LMF1: variants seen among roughly 807,000 people sequenced by gnomAD.
LMF1 encodes the protein lipase maturation factor 1.
LMF1 carries 68 observed loss-of-function variants against 60.6 expected under a neutral mutation model. The observed-to-expected ratio is 1.12, with a 90% CI of 0.92 to 1.37. LMF1 has a LOEUF of 1.37. Ranked by LOEUF, LMF1 falls within the 40% of genes most tolerant of loss-of-function variation. The pLI is 0.00. For synonymous variants in LMF1, 418 were observed against 324.7 expected, an observed-to-expected ratio of 1.29 and a Z score of -3.09; for missense variants, 948 against 767.2, an observed-to-expected ratio of 1.24 and a Z score of -2.78.
rs532625029 is a variant in LMF1, at chr16:869,776, C to G, written c.1416+107G>C. The G allele has an allele frequency of 2.3e-4, 270 of 1,173,960 alleles. 3 individuals carry two copies. In the South Asian group the frequency reaches 3.7e-3, roughly 16 times the overall value. 72.7% of individuals were successfully genotyped at this position (1,173,960 alleles called of 1,614,324 possible). ...GGCAGGATCCCATCTCTCCCAGCCT[C>G]CCTCCCCACCAGCCCCTTCAGTGGG... On this transcript the variant is annotated intron_variant, in intron 9 of 10. Coordinates refer to ENST00000262301, the MANE Select transcript of LMF1 (RefSeq NM_022773.4).
At position 949,916 on chromosome 16, in the gene LMF1, C is replaced by T. The variant is rs1390821461; in HGVS notation, c.503+4441G>A. ...CAGAGACAACGACAGAGTCAGCCAA[C>T]GACAGAGTCAGAGCCAATGAGAGTC... is the stretch of plus-strand genomic sequence containing the variant. On this transcript the variant is annotated intron_variant, in intron 2 of 10. Coordinates refer to ENST00000262301, the MANE Select transcript of LMF1 (RefSeq NM_022773.4). Among the ~76,000 whole-genome samples the T allele has an allele frequency of 2.9e-5, 3 of 103,054 alleles. 1 individual carries two copies. The highest frequency in any genetic ancestry group is 1.7e-4 in the African/African-American group (3 of 17,996). 67.6% of individuals were successfully genotyped at this position (103,054 alleles called of 152,430 possible).
chr16:876,135 T>C lies in LMF1; in HGVS notation c.897+3435A>G, dbSNP rs2069965162. Among the ~76,000 whole-genome samples the C allele has an allele frequency of 1.3e-5, 2 of 152,236 alleles. 1 individual carries two copies. The highest frequency in any genetic ancestry group is 4.1e-4 in the South Asian group (2 of 4,838). On this transcript the variant is annotated intron_variant, in intron 6 of 10. Coordinates refer to ENST00000262301, the MANE Select transcript of LMF1 (RefSeq NM_022773.4). Reference sequence around the variant, plus strand: ...GCTCCGTCTGTTGCCCTTCAGAGGCTGAGTGGAGAAACAAACCGGGGCACG... The same window carrying C: ...GCTCCGTCTGTTGCCCTTCAGAGGCCGAGTGGAGAAACAAACCGGGGCACG...
chr16:896,523 T>G (rs1048339940), intron 4 of LMF1, among the ~76,000 whole-genome samples: 1 of 152,226 alleles, frequency 6.6e-6, no homozygotes, highest in African/African-American at 2.4e-5. Flanking sequence ...CACCGGAGAC[T>G]GTTTCCCGCT....
chr16:882,958 G>C (rs1361663508), intron 5 of LMF1, among the ~76,000 whole-genome samples: 1 of 145,844 alleles, frequency 6.9e-6, no homozygotes, highest in Non-Finnish European at 1.5e-5. Flanking sequence ...AGGACCAGGA[G>C]AAAGAGGAGC....
At chr16:891,339 C>G (rs748878138) in intron 5 of LMF1, among the ~76,000 whole-genome samples, 3 of 152,260 alleles carry the variant, frequency 2.0e-5, no homozygotes, top group Non-Finnish European at 4.4e-5. Flanking sequence ...GGATGCAGCC[C>G]AGGACGCCTG....
chr16:911,696 A>AGCACTGGGGAG (rs1567226110), intron 3 of LMF1, among the ~76,000 whole-genome samples: 1 of 64,992 alleles, frequency 1.5e-5, no homozygotes, highest in African/African-American at 8.5e-5. Flanking sequence ...GCACTGGGGG[A>AGCACTGGGGAG]GCAGCACTGG....
intron 1 of LMF1, among the ~76,000 whole-genome samples, chr16:966,924 G>A (rs568711148): frequency 1.2e-4 from 18 of 152,366 alleles, no homozygotes; most frequent in African/African-American, 4.3e-4. Context: ...CCTTAATTCT[G>A]AGGCAGTTAA....
chr16:895,567 C>T (rs2151735190), intron 4 of LMF1, among the ~76,000 whole-genome samples: 1 of 152,238 alleles, frequency 6.6e-6, no homozygotes, highest in East Asian at 1.9e-4. Flanking sequence ...ACGACCTGGG[C>T]AGGGGAGGGG....
rs753257420 is a variant in LMF1 at position 870,738 on chromosome 16, G to T, written c.1223C>A (p.Ala408Asp). The change falls in exon 8 of 11, where the codon GCC becomes GAC. Residue 408 changes from alanine to aspartate, a missense_variant. Coordinates refer to ENST00000262301, the MANE Select transcript of LMF1 (RefSeq NM_022773.4). ...GACCCCAGGCTCATACCTTCCGAAG[G>T]CCCCGTAAGTGTTGACGATGTGAAG... ...NSLHIVNTYG[A>D]FGSITKERAE... 6.2e-7 allele frequency: 1 copy of T among 1,612,816 alleles called. No individual in the cohort carries two copies. Among genetic ancestry groups the T allele is most frequent in the East Asian group, 2.2e-5 (1 of 44,882 alleles).
At chr16:884,857 G>A (rs1204001915) in intron 5 of LMF1, 1 of 141,996 alleles carries the variant, frequency 7.0e-6, no homozygotes, top group Admixed American at 6.8e-5. Flanking sequence ...TCTGGAAATG[G>A]TGATATTAGG....
At position 869,000 on chromosome 16, in the gene LMF1, G is replaced by A. The variant is rs62012416; in HGVS notation, c.1473C>T (p.Asp491=). 3,015 of 1,612,536 alleles carry A rather than the reference G, an allele frequency of 1.9e-3. 16 individuals carry two copies. The highest frequency in any genetic ancestry group is 3.0e-3 in the South Asian group (271 of 91,070). Residue 491 remains aspartate, a synonymous_variant, in exon 10 of 11, where the codon GAC becomes GAT. Transcript: ENST00000262301. ...IHLAGKLLAS[D]AEALSLLAHN... is the part of the protein sequence containing the mutation. The stretch of plus-strand genomic sequence containing the variant: ...GTGCCAGCAGGGACAAGGCCTCGGC[G>A]TCGCTGGCCAGGAGCTTGCCAGCCA...
chr16:905,662 T>A (rs1417530221), intron 4 of LMF1, among the ~76,000 whole-genome samples: 1 of 152,230 alleles, frequency 6.6e-6, no homozygotes, highest in Non-Finnish European at 1.5e-5. Flanking sequence ...AGATACAGGT[T>A]CCTTGTCAGG....
chr16:866,766 T>C (rs964705300), intron 10 of LMF1, among the ~76,000 whole-genome samples: 3 of 152,216 alleles, frequency 2.0e-5, no homozygotes, highest in Non-Finnish European at 2.9e-5. Flanking sequence ...TCTGGCCCTT[T>C]AGTCAGAGAG....
At chr16:877,956 G>A (rs189015537) in intron 6 of LMF1, among the ~76,000 whole-genome samples, 2,290 of 152,218 alleles carry the variant, frequency 0.015, 63 homozygotes, top group African/African-American at 0.05. Context: ...AGTCACCTCA[G>A]AGCTGCAGCC....
chr16:871,006 C>G, intron 7 of LMF1, 124 bp from the exon 8 acceptor site: 1 of 1,408,598 alleles, frequency 7.1e-7, no homozygotes, highest in Non-Finnish European at 9.5e-7. Context: ...GAGCAGCACC[C>G]GAACTCACAC....
chr16:970,728 C>CG (rs1314475118), intron 1 of LMF1, 60 bp downstream of exon 1: 4 of 1,436,570 alleles, frequency 2.8e-6, no homozygotes, highest in Non-Finnish European at 3.8e-6. Flanking sequence ...CGAGGGAGGG[C>CG]GGGGGTCGTG....
At chr16:913,164 T>G (rs1055976551) in intron 3 of LMF1, among the ~76,000 whole-genome samples, 16 of 152,204 alleles carry the variant, frequency 1.1e-4, no homozygotes, top group African/African-American at 3.1e-4. Flanking sequence ...TCCCTTCCCT[T>G]TAGCCAGGGG....
upstream of LMF1, among the ~76,000 whole-genome samples, chr16:974,847 C>G (rs2073105275): frequency 6.6e-6 from 1 of 152,234 alleles, no homozygotes; most frequent in African/African-American, 2.4e-5. Flanking sequence ...CCGCAGGAAG[C>G]CAGTGTGGGC....
chr16:947,546 G>C, intron 2 of LMF1: 1 of 456,062 alleles, frequency 2.2e-6, no homozygotes, highest in South Asian at 1.5e-5. Flanking sequence ...GCCACCATCC[G>C]TCCTGCCCAG....
Sources: allele counts gnomAD v4.1 joint callset (sites outside exome capture counted in the v4.1 genomes callset), GRCh38; gene constraint gnomAD v4.1.1; transcripts MANE v1.5; gene names NCBI Gene and HGNC (gene_info 2026-07-23, HGNC 2026-07-21).